SATB2: variants seen among roughly 807,000 people sequenced by gnomAD.
The protein encoded by SATB2 is DNA-binding protein SATB2.
SATB2 carries 1 observed loss-of-function variant against 73.4 expected under a neutral mutation model. That is an observed-to-expected ratio of 0.01 (90% confidence interval 0.00 to 0.06). SATB2 has a LOEUF of 0.06. SATB2 is among the 10% of genes least tolerant of loss of function. The pLI is 1.00. For missense variants in SATB2, 459 were observed against 945.8 expected, an observed-to-expected ratio of 0.49 and a Z score of 6.75; for synonymous variants, 397 against 367.0, an observed-to-expected ratio of 1.08 and a Z score of -0.93.
intron 3 of SATB2, among the ~76,000 whole-genome samples, chr2:199,383,335 G>A (rs1357529427): frequency 6.6e-6 from 1 of 152,170 alleles, no homozygotes; most frequent in African/African-American, 2.4e-5. Flanking sequence ...CACACAGCAT[G>A]TAGTAGTCAT....
At chr2:199,380,556 T>G in intron 4 of SATB2, 69 bp from the exon 5 acceptor site, 1 of 1,574,572 alleles carries the variant, frequency 6.4e-7, no homozygotes, top group Non-Finnish European at 8.6e-7. Flanking sequence ...GAGGAGACAC[T>G]GCAGCAGCCA....
intron 3 of SATB2, 75 bp downstream of exon 3, chr2:199,433,263 T>G: frequency 6.9e-7 from 1 of 1,440,736 alleles, no homozygotes; most frequent in South Asian, 1.3e-5. Flanking sequence ...TTTGGAGAAC[T>G]ATTTCAGAAA....
At chr2:199,468,669 A>G (rs766727247), upstream of SATB2, among the ~76,000 whole-genome samples, 2 of 152,230 alleles carry the variant, frequency 1.3e-5, no homozygotes, top group Non-Finnish European at 2.9e-5. Context: ...TAGAAGAAGC[A>G]GCCGTCTTCG....
chr2:199,455,840 C>T lies in SATB2; in HGVS notation c.169+29G>A, dbSNP rs776787328. On this transcript the variant is annotated intron_variant, in intron 2 of 10. Transcript: ENST00000417098. This position sits in a 1 kb window ranked among gnomAD's most constrained non-coding sequence, Gnocchi z 4.1. ...CGGGCCATTATCACTGGGCCGCGGG[C>T]TGCGCGCCTCCCTGCTCCGGGCTGT... 2 of 1,534,260 alleles carry T rather than the reference C, an allele frequency of 1.3e-6. No homozygotes were observed. The highest frequency in any genetic ancestry group is 1.2e-5 in the South Asian group (1 of 83,956).
intron 10 of SATB2, among the ~76,000 whole-genome samples, chr2:199,273,477 G>T (rs527408318): frequency 6.6e-6 from 1 of 152,230 alleles, no homozygotes; most frequent in Admixed American, 6.5e-5. Flanking sequence ...AGGAATAATT[G>T]GTACTTAAGC....
Position 199,271,526 on chromosome 2 carries a change from A to T in SATB2, c.*685T>A, listed in dbSNP as rs1574457905. On this transcript the variant is annotated 3_prime_UTR_variant, in exon 11 of 11. Transcript: ENST00000417098. ...TTGTTAAATACATACCTCAAAAATT[A>T]CCCATTAAGCTGCCAGATAGGAAGC... 1 of 150,480 alleles carries T rather than the reference A, an allele frequency of 6.6e-6. No homozygotes were observed. Among genetic ancestry groups the T allele is most frequent in the African/African-American group, 2.4e-5 (1 of 40,876 alleles). The allele number at this position is 150,480 out of a possible 1,614,324, so 9.3% of individuals were successfully genotyped here. A position where few individuals can be genotyped will look rare whatever the true frequency, so the allele number is the denominator to read the frequency against.
At chr2:199,409,267 T>A (rs945005873) in intron 3 of SATB2, among the ~76,000 whole-genome samples, 3 of 147,668 alleles carry the variant, frequency 2.0e-5, no homozygotes, top group African/African-American at 7.4e-5. Context: ...CCTCCCGGGT[T>A]CAAGCAATTC....
intron 5 of SATB2, among the ~76,000 whole-genome samples, chr2:199,373,419 C>G (rs1689507241): frequency 6.6e-6 from 1 of 152,174 alleles, no homozygotes; most frequent in African/African-American, 2.4e-5. Context: ...TCTACTATCC[C>G]TCTCTGTCCC....
intron 3 of SATB2, among the ~76,000 whole-genome samples, chr2:199,415,761 G>A (rs565518156): frequency 6.6e-6 from 1 of 152,268 alleles, no homozygotes; most frequent in South Asian, 2.1e-4. Flanking sequence ...AAAGCTCTAC[G>A]ATTAGAAGCT....
chr2:199,407,288 CAAA>C (rs34954916), intron 3 of SATB2, among the ~76,000 whole-genome samples: 4 of 77,550 alleles, frequency 5.2e-5, no homozygotes, highest in Non-Finnish European at 5.4e-5. Flanking sequence ...TCTTGTCTCC[CAAA>C]AAAAAAAAAA....
At chr2:199,283,083 AC>A (rs1692575000) in intron 10 of SATB2, among the ~76,000 whole-genome samples, 1 of 150,002 alleles carries the variant, frequency 6.7e-6, no homozygotes, top group Non-Finnish European at 1.5e-5. Context: ...ATAAACATAA[AC>A]TTTTTTTTTT....
intron 3 of SATB2, among the ~76,000 whole-genome samples, chr2:199,388,961 GT>G (rs1690039089): frequency 6.6e-6 from 1 of 152,068 alleles, no homozygotes; most frequent in African/African-American, 2.4e-5. Flanking sequence ...GCTATGCTTT[GT>G]TAAAGAAATT....
intron 9 of SATB2, among the ~76,000 whole-genome samples, chr2:199,311,621 A>T (rs1031551278): frequency 2.6e-5 from 4 of 152,090 alleles, no homozygotes; most frequent in African/African-American, 9.7e-5. Flanking sequence ...CTGTGATGCC[A>T]TATATAGGTA....
chr2:199,374,838 C>T (rs1262400343), intron 5 of SATB2, among the ~76,000 whole-genome samples: 1 of 152,034 alleles, frequency 6.6e-6, no homozygotes, highest in Admixed American at 6.5e-5. Flanking sequence ...GTGGTGCTCA[C>T]CTGTAATGCC....
At chr2:199,459,492 T>A (rs2105963681), upstream of SATB2, among the ~76,000 whole-genome samples, 1 of 152,232 alleles carries the variant, frequency 6.6e-6, no homozygotes, top group South Asian at 2.1e-4. The surrounding 1 kb of genome is among the most constrained non-coding windows in gnomAD (Gnocchi z 4.2). Flanking sequence ...CCCCGCGAGA[T>A]ACCCGGGGCG....
intron 2 of SATB2, among the ~76,000 whole-genome samples, chr2:199,439,641 T>C (rs941611427): frequency 1.2e-4 from 19 of 152,206 alleles, no homozygotes; most frequent in African/African-American, 4.3e-4. Flanking sequence ...ATTGTAAATT[T>C]ACCAGAAAAT....
At chr2:199,370,624 A>T (rs1036939579) in intron 5 of SATB2, among the ~76,000 whole-genome samples, 2 of 152,082 alleles carry the variant, frequency 1.3e-5, no homozygotes, top group Non-Finnish European at 2.9e-5. Flanking sequence ...CCTGGCCCAT[A>T]ATACGAGGCC....
intron 9 of SATB2, among the ~76,000 whole-genome samples, chr2:199,314,036 G>A (rs1687663845): frequency 6.6e-6 from 1 of 152,120 alleles, no homozygotes; most frequent in African/African-American, 2.4e-5. Flanking sequence ...TGTACTTCAA[G>A]GCTCAGCTGA....
intron 9 of SATB2, 106 bp downstream of exon 9, chr2:199,323,697 G>T: frequency 1.7e-6 from 2 of 1,209,038 alleles, no homozygotes; most frequent in Non-Finnish European, 2.4e-6. Context: ...TTTCTTGGGG[G>T]TTATTACTGT....
Sources: gnomAD v4.1 joint callset for allele counts (sites outside exome capture counted in the v4.1 genomes callset) on GRCh38, gnomAD v4.1.1 for gene constraint, Gnocchi (gnomAD v3.1) non-coding constraint, MANE v1.5 for transcripts, NCBI Gene and HGNC (gene_info 2026-07-23, HGNC 2026-07-21) for gene names.